TRPM3: variants seen among roughly 807,000 people sequenced by gnomAD.
The protein encoded by TRPM3 is long transient receptor potential channel 3.
Under a neutral mutation model 181.2 loss-of-function variants are expected in TRPM3, and 77 were observed. The ratio of observed to expected loss-of-function variants is 0.42; its 90% CI spans 0.35 to 0.51. The LOEUF (loss-of-function observed/expected upper bound fraction) is 0.51. Ranked by LOEUF, TRPM3 falls within the 20% of genes least tolerant of loss-of-function variation. The pLI is 0.01. For synonymous variants in TRPM3, 745 were observed against 796.4 expected, an observed-to-expected ratio of 0.94 and a Z score of 1.09; for missense variants, 1,759 against 2,196.7, an observed-to-expected ratio of 0.80 and a Z score of 3.98.
chr9:71,084,540 A>C (rs983449368), intron 1 of TRPM3, among the ~76,000 whole-genome samples: 28 of 152,166 alleles, frequency 1.8e-4, no homozygotes, highest in East Asian at 1.9e-4. Flanking sequence ...CACACACACA[A>C]AAATACCTAG....
chr9:71,382,180 C>T (rs556013292), intron 1 of TRPM3, among the ~76,000 whole-genome samples: 1 of 152,144 alleles, frequency 6.6e-6, no homozygotes, highest in South Asian at 2.1e-4. Flanking sequence ...CTCAAAACTC[C>T]AGTTTACTCA....
chr9:70,910,424 T>A (rs1284616966), intron 1 of TRPM3, among the ~76,000 whole-genome samples: 7 of 152,164 alleles, frequency 4.6e-5, no homozygotes, highest in Admixed American at 4.6e-4. Flanking sequence ...AGGAGTAGGA[T>A]ATTTAAGGTG....
In TRPM3 at chr9:71,307,904, A is replaced by G. The variant is rs185967282; in HGVS notation, c.183+138749T>C. On this transcript the variant is annotated intron_variant, in intron 1 of 24. Coordinates refer to the TRPM3 transcript ENST00000357533. The stretch of plus-strand genomic sequence containing the variant: ...GTAAGGCATTTATTTTGTTTTAAAA[A>G]TTTATTTACTTTGAACTTACCTATA... Among the ~76,000 whole-genome samples the G allele has an allele frequency of 2.7e-3, 413 of 152,000 alleles. 4 individuals are homozygous for G. Among genetic ancestry groups the G allele is most frequent in the Middle Eastern group, 0.01 (3 of 288 alleles).
At chr9:71,153,701 C>T (rs956321156) in intron 1 of TRPM3, among the ~76,000 whole-genome samples, 2 of 152,040 alleles carry the variant, frequency 1.3e-5, no homozygotes, top group Non-Finnish European at 2.9e-5. Flanking sequence ...GGGTCAGGAT[C>T]GTTCTGTCAC....
intron 1 of TRPM3, among the ~76,000 whole-genome samples, chr9:71,028,409 T>C (rs577972874): frequency 6.6e-6 from 1 of 152,162 alleles, no homozygotes. Context: ...CACAAACAAA[T>C]TAGCATAACA....
intron 4 of TRPM3, among the ~76,000 whole-genome samples, chr9:70,844,696 G>C (rs1265077573): frequency 1.3e-5 from 2 of 152,198 alleles, no homozygotes; most frequent in African/African-American, 4.8e-5. Context: ...CACTAAGCCT[G>C]GAGTGAGGCA....
chr9:71,191,573 C>T (rs1293203801), intron 1 of TRPM3, among the ~76,000 whole-genome samples: 2 of 151,736 alleles, frequency 1.3e-5, no homozygotes, highest in Admixed American at 6.6e-5. Flanking sequence ...CTTTACACTA[C>T]CCAAATGTCT....
chr9:71,116,461 G>A (rs1054589057), intron 1 of TRPM3, among the ~76,000 whole-genome samples: 4 of 152,144 alleles, frequency 2.6e-5, no homozygotes, highest in African/African-American at 9.7e-5. Context: ...TCAGTTCCTG[G>A]AATGCCTGAA....
intron 1 of TRPM3, among the ~76,000 whole-genome samples, chr9:71,423,501 A>C (rs2093813113): frequency 6.6e-6 from 1 of 152,214 alleles, no homozygotes; most frequent in African/African-American, 2.4e-5. Flanking sequence ...TCTACAATAC[A>C]GTCTTCCCAA....
In TRPM3 at chr9:70,970,102, A is replaced by G. The variant is rs115992016; in HGVS notation, c.178-105591T>C. 2.8e-3 allele frequency among the ~76,000 whole-genome samples: 419 copies of G among 152,252 alleles called. 3 individuals carry two copies. The highest frequency in any genetic ancestry group is 9.3e-3 in the African/African-American group (385 of 41,564). On this transcript the variant is annotated intron_variant, in intron 1 of 25. Coordinates refer to ENST00000677713, the MANE Select transcript of TRPM3 (RefSeq NM_001366145.2). The stretch of plus-strand genomic sequence containing the variant: ...CAATGCAACAAATTATTTACTGTAT[A>G]ACTTGTATAAATTAGCTAACCTCTC...
intron 6 of TRPM3, among the ~76,000 whole-genome samples, chr9:70,821,747 C>T (rs920983688): frequency 2.0e-5 from 3 of 152,090 alleles, no homozygotes; most frequent in African/African-American, 7.2e-5. Context: ...TTCATAGACA[C>T]TGATGGTACT....
At chr9:70,611,557 T>C (rs2062005551) in intron 18 of TRPM3, among the ~76,000 whole-genome samples, 1 of 152,192 alleles carries the variant, frequency 6.6e-6, no homozygotes, top group Non-Finnish European at 1.5e-5. Flanking sequence ...GAACTGTGAG[T>C]CAATTAAACC....
intron 1 of TRPM3, among the ~76,000 whole-genome samples, chr9:71,205,988 G>A (rs2079098299): frequency 6.6e-6 from 1 of 152,132 alleles, no homozygotes; most frequent in Non-Finnish European, 1.5e-5. Flanking sequence ...AAAGGAAAAT[G>A]GAGTTTTAAG....
intron 1 of TRPM3, among the ~76,000 whole-genome samples, chr9:70,968,094 T>C (rs1391636664): frequency 6.6e-6 from 1 of 152,106 alleles, no homozygotes; most frequent in Non-Finnish European, 1.5e-5. Flanking sequence ...GAAATTGCAT[T>C]GCTTACCTCT....
At chr9:71,132,921 T>C (rs1009881556) in intron 1 of TRPM3, among the ~76,000 whole-genome samples, 1 of 152,198 alleles carries the variant, frequency 6.6e-6, no homozygotes, top group African/African-American at 2.4e-5. Flanking sequence ...GCAATTTTAA[T>C]GTTATAAATA....
intron 1 of TRPM3, among the ~76,000 whole-genome samples, chr9:71,168,914 T>A (rs1437305964): frequency 6.6e-6 from 1 of 152,130 alleles, no homozygotes; most frequent in Non-Finnish European, 1.5e-5. Context: ...CCAGATTTTG[T>A]TGAAATAAAC....
At chr9:71,300,674 T>G (rs1388526864) in intron 1 of TRPM3, among the ~76,000 whole-genome samples, 1 of 152,172 alleles carries the variant, frequency 6.6e-6, no homozygotes, top group East Asian at 1.9e-4. Context: ...TTCAGTTAAT[T>G]AAAGGTCAGT....
chr9:71,001,271 C>T (rs192388812), intron 1 of TRPM3, among the ~76,000 whole-genome samples: 1 of 152,308 alleles, frequency 6.6e-6, no homozygotes, highest in Non-Finnish European at 1.5e-5. Context: ...GGGCTCATGT[C>T]TATAACCAAT....
intron 9 of TRPM3, among the ~76,000 whole-genome samples, chr9:70,665,223 G>T (rs2061683198): frequency 6.6e-6 from 1 of 151,920 alleles, no homozygotes; most frequent in African/African-American, 2.4e-5. Context: ...CTTACCTATT[G>T]AGTGTGCATT....
Sources: allele counts gnomAD v4.1 joint callset (sites outside exome capture counted in the v4.1 genomes callset), GRCh38; gene constraint gnomAD v4.1.1; transcripts MANE v1.5; gene names NCBI Gene and HGNC (gene_info 2026-07-23, HGNC 2026-07-21).